PRDM16: variants seen among roughly 807,000 people sequenced by gnomAD.
The protein encoded by PRDM16 is PR/SET domain 16, also known as histone-lysine N-methyltransferase PRDM16.
PRDM16 carries 23 observed loss-of-function variants against 110.6 expected under a neutral mutation model. That is an observed-to-expected ratio of 0.21 (90% CI 0.15 to 0.29). The LOEUF (loss-of-function observed/expected upper bound fraction) is 0.29, where lower values mean the gene tolerates loss of function less well. PRDM16 is among the 10% of genes least tolerant of loss of function. PRDM16 has a pLI of 1.00. For synonymous variants in PRDM16, 799 were observed against 781.8 expected, an observed-to-expected ratio of 1.02 and a Z score of -0.37; for missense variants, 1,615 against 1,794.3, an observed-to-expected ratio of 0.90 and a Z score of 1.81.
chr1:3,317,967 G>A (rs560586879), intron 3 of PRDM16, among the ~76,000 whole-genome samples: 20 of 152,260 alleles, frequency 1.3e-4, no homozygotes, highest in African/African-American at 4.3e-4. Flanking sequence ...TGCTGCTAGC[G>A]CTAATTTGAA....
chr1:3,336,181 G>C (rs1157609721), intron 3 of PRDM16, among the ~76,000 whole-genome samples: 3 of 152,226 alleles, frequency 2.0e-5, no homozygotes, highest in Admixed American at 6.5e-5. Context: ...AGATAGCGGG[G>C]GACATGCATA....
intron 2 of PRDM16, among the ~76,000 whole-genome samples, chr1:3,191,879 C>T (rs568961339): frequency 2.0e-4 from 30 of 152,204 alleles, no homozygotes; most frequent in South Asian, 6.2e-4. Flanking sequence ...GTGAGGCAGG[C>T]GTAAAAAGGT....
At chr1:3,293,495 A>G (rs993752858) in intron 3 of PRDM16, among the ~76,000 whole-genome samples, 1 of 152,218 alleles carries the variant, frequency 6.6e-6, no homozygotes, top group Non-Finnish European at 1.5e-5. Context: ...GCCAGGGGCA[A>G]CGTTGGAACG....
At chr1:3,082,730 G>T (rs890612059) in intron 1 of PRDM16, among the ~76,000 whole-genome samples, 9 of 152,232 alleles carry the variant, frequency 5.9e-5, no homozygotes, top group African/African-American at 2.2e-4. Flanking sequence ...GGAGAGGTGG[G>T]GTGCGCTTCA....
chr1:3,266,001 C>T (rs1640281801), intron 3 of PRDM16, among the ~76,000 whole-genome samples: 1 of 152,206 alleles, frequency 6.6e-6, no homozygotes, highest in Non-Finnish European at 1.5e-5. Flanking sequence ...GCGACGCCAC[C>T]TGGCCCCTCT....
chr1:3,114,587 AACACACGTGCACATGC>A (rs1220293813), intron 1 of PRDM16, among the ~76,000 whole-genome samples: 5 of 151,562 alleles, frequency 3.3e-5, no homozygotes, highest in Admixed American at 1.3e-4. Context: ...CACACACAAG[AACACACGTGCACATGC>A]ACACACGTGC....
chr1:3,289,220 G>A (rs1333142081), intron 3 of PRDM16, among the ~76,000 whole-genome samples: 1 of 152,232 alleles, frequency 6.6e-6, no homozygotes, highest in Non-Finnish European at 1.5e-5. Flanking sequence ...AAGGTCACAG[G>A]TGGGGAGGAC....
In PRDM16 at chr1:3,261,745, C is replaced by A. The variant is rs187844401; in HGVS notation, c.438+17608C>A. Among the ~76,000 whole-genome samples, 28 of 152,306 alleles carry A rather than the reference C, an allele frequency of 1.8e-4. 1 individual carries two copies. In the East Asian group the frequency reaches 5.4e-3, roughly 29 times the overall value. ...CCTCCTGTGTCAGGGCAGCCTGCCT[C>A]CTGAAAGAACTGGCGTTCAGCCTGC... On this transcript the variant is annotated intron_variant, in intron 3 of 16. Coordinates refer to ENST00000270722, the MANE Select transcript of PRDM16 (RefSeq NM_022114.4).
intron 1 of PRDM16, among the ~76,000 whole-genome samples, chr1:3,163,950 C>T (rs888137798): frequency 2.6e-5 from 4 of 152,212 alleles, no homozygotes; most frequent in African/African-American, 9.6e-5. Flanking sequence ...CTCCCATGGC[C>T]CCCTCTTCCC....
intron 1 of PRDM16, among the ~76,000 whole-genome samples, chr1:3,177,368 G>T (rs1644102558): frequency 6.6e-6 from 1 of 152,230 alleles, no homozygotes; most frequent in South Asian, 2.1e-4. Flanking sequence ...ATTGTAGGGA[G>T]AACACGGGGT....
At position 3,436,189 on chromosome 1, in the gene PRDM16, A is replaced by G; in HGVS notation, c.*2378A>G. 1 of 191,212 alleles carries G rather than the reference A, an allele frequency of 5.2e-6. No individual in the cohort carries two copies. The highest frequency in any genetic ancestry group is 9.6e-6 in the Non-Finnish European group (1 of 104,258). The allele number at this position is 191,212 out of a possible 1,614,324, so 11.8% of individuals were successfully genotyped here. On this transcript the variant is annotated 3_prime_UTR_variant, in exon 17 of 17. Transcript: ENST00000270722. ...TATATGGTTTCTTCTGCGAAAGAGTAAGGTGTGTGCTTTTTTTTTTTTGCA... is the reference window on the plus strand; with the variant it reads ...TATATGGTTTCTTCTGCGAAAGAGTGAGGTGTGTGCTTTTTTTTTTTTGCA...
At chr1:3,306,043 T>C (rs941478074) in intron 3 of PRDM16, among the ~76,000 whole-genome samples, 6 of 152,218 alleles carry the variant, frequency 3.9e-5, no homozygotes, top group Non-Finnish European at 1.5e-5. Flanking sequence ...GAGACAGCCT[T>C]TCTCAGAGAC....
At chr1:3,203,610 T>A (rs1638682620) in intron 2 of PRDM16, among the ~76,000 whole-genome samples, 1 of 152,154 alleles carries the variant, frequency 6.6e-6, no homozygotes, top group Non-Finnish European at 1.5e-5. Context: ...GTGCAGATCT[T>A]CCCCATGCTT....
chr1:3,170,696 G>A (rs572386534), intron 1 of PRDM16, among the ~76,000 whole-genome samples: 16 of 152,238 alleles, frequency 1.1e-4, no homozygotes, highest in South Asian at 4.1e-4. Flanking sequence ...GGCGGGGCCC[G>A]GGGGAGCAGG....
Position 3,265,051 on chromosome 1 carries a change from A to G in PRDM16, c.438+20914A>G, listed in dbSNP as rs928189801. Among the ~76,000 whole-genome samples the G allele has an allele frequency of 3.3e-5, 5 of 151,280 alleles. No homozygotes were observed. Among genetic ancestry groups the G allele is most frequent in the Non-Finnish European group, 7.4e-5 (5 of 67,768 alleles). Reference sequence around the variant, plus strand: ...CCTGAGCTGAGCCACTGAGTCCCCCAGCCTCTCTCTGACCCAGGGCCCAGG... The same window carrying G: ...CCTGAGCTGAGCCACTGAGTCCCCCGGCCTCTCTCTGACCCAGGGCCCAGG... On this transcript the variant is annotated intron_variant, in intron 3 of 16. Coordinates refer to ENST00000270722, the MANE Select transcript of PRDM16 (RefSeq NM_022114.4). This position sits in a 1 kb window ranked among gnomAD's most constrained non-coding sequence, Gnocchi z 4.5.
At chr1:3,092,124 T>C (rs1382540823) in intron 1 of PRDM16, among the ~76,000 whole-genome samples, 3 of 151,422 alleles carry the variant, frequency 2.0e-5, no homozygotes, top group Non-Finnish European at 4.4e-5. Flanking sequence ...TGCTGCATGC[T>C]TGGTGTTACC....
chr1:3,070,039 G>C (rs1417214978), intron 1 of PRDM16, among the ~76,000 whole-genome samples: 1 of 151,976 alleles, frequency 6.6e-6, no homozygotes. Flanking sequence ...CCGGCAGCCT[G>C]CGCGGGCCGC....
At chr1:3,363,914 G>A (rs534296845) in intron 3 of PRDM16, among the ~76,000 whole-genome samples, 196 of 152,226 alleles carry the variant, frequency 1.3e-3, no homozygotes, top group Non-Finnish European at 2.3e-3. Flanking sequence ...AGCACCTCCT[G>A]AGCCAGCCCG....
chr1:3,402,615 T>G (rs1395224154), intron 5 of PRDM16, among the ~76,000 whole-genome samples, 176 bp from the exon 6 acceptor site: 1 of 152,140 alleles, frequency 6.6e-6, no homozygotes, highest in Admixed American at 6.5e-5. Context: ...CATGCCTGTT[T>G]CCAGGGCAGG....
Sources: gnomAD v4.1 joint callset for allele counts (sites outside exome capture counted in the v4.1 genomes callset) on GRCh38, gnomAD v4.1.1 for gene constraint, Gnocchi (gnomAD v3.1) non-coding constraint, MANE v1.5 for transcripts, NCBI Gene and HGNC (gene_info 2026-07-23, HGNC 2026-07-21) for gene names.